EHBP1: variants seen among roughly 807,000 people sequenced by gnomAD.
EHBP1 encodes the protein EH domain binding protein 1.
A neutral mutation model predicts 144.0 loss-of-function variants in EHBP1; 55 were observed. The ratio of observed to expected loss-of-function variants is 0.38; its 90% CI spans 0.31 to 0.48. EHBP1 has a LOEUF of 0.48. Ranked by LOEUF, EHBP1 falls within the 20% of genes least tolerant of loss-of-function variation. EHBP1 has a pLI of 0.98. For missense variants in EHBP1, 1,200 were observed against 1,364.2 expected, an observed-to-expected ratio of 0.88 and a Z score of 1.90; for synonymous variants, 469 against 472.7, an observed-to-expected ratio of 0.99 and a Z score of 0.10.
At chr2:62,978,877 A>C (rs1457197917) in intron 14 of EHBP1, among the ~76,000 whole-genome samples, 4 of 152,144 alleles carry the variant, frequency 2.6e-5, no homozygotes, top group Non-Finnish European at 4.4e-5. Context: ...CAGTATTGTG[A>C]CTTTTTTCTG....
At chr2:62,914,225 A>T (rs1574031996) in intron 10 of EHBP1, among the ~76,000 whole-genome samples, 1 of 152,276 alleles carries the variant, frequency 6.6e-6, no homozygotes, top group Admixed American at 6.5e-5. Flanking sequence ...ATCCAAGGGT[A>T]AAACAGTAAA....
At chr2:63,003,985 C>T (rs1326031933) in intron 19 of EHBP1, among the ~76,000 whole-genome samples, 3 of 151,986 alleles carry the variant, frequency 2.0e-5, no homozygotes, top group African/African-American at 7.2e-5. Flanking sequence ...TATTTAGGGA[C>T]ATGTATCTGT....
rs777811935 is a variant in EHBP1 at position 62,949,028 on chromosome 2, A to G, written c.2182A>G (p.Lys728Glu). 6.2e-6 allele frequency: 10 copies of G among 1,613,772 alleles called. No homozygotes were observed. Among genetic ancestry groups the G allele is most frequent in the Non-Finnish European group, 8.5e-6 (10 of 1,179,956 alleles). ...IKKTSLSPTS[K>E]LGYSYSRDLD... ...AAAAACAAGTTTATCTCCTACTTCT[A>G]AACTTGGATACTCATATAGTAGAGA... Residue 728 changes from lysine (K) to glutamate (E), a missense_variant, in exon 13 of 23, where the codon AAA (lysine) becomes GAA (glutamate). Around this residue, in one of 6 missense-constraint regions of EHBP1, gnomAD observed 543 missense variants for 513.1 expected, o/e 1.06. Transcript: ENST00000431489.
At chr2:62,703,367 G>A (rs1293566963), upstream of EHBP1, among the ~76,000 whole-genome samples, 1 of 151,888 alleles carries the variant, frequency 6.6e-6, no homozygotes, top group Admixed American at 6.6e-5. Context: ...ATTAATACTC[G>A]GTATTCAATA....
At chr2:62,937,253 T>C (rs2056445938) in intron 10 of EHBP1, among the ~76,000 whole-genome samples, 1 of 152,210 alleles carries the variant, frequency 6.6e-6, no homozygotes, top group African/African-American at 2.4e-5. Flanking sequence ...AAATGCATGT[T>C]GTTTAAAAGC....
At chr2:62,933,421 A>G (rs1210151973) in intron 10 of EHBP1, among the ~76,000 whole-genome samples, 1 of 152,188 alleles carries the variant, frequency 6.6e-6, no homozygotes, top group Non-Finnish European at 1.5e-5. Flanking sequence ...TTGATACTAC[A>G]CCAAAACTCA....
chr2:62,763,108 C>T (rs1159245397), intron 3 of EHBP1, among the ~76,000 whole-genome samples: 1 of 152,020 alleles, frequency 6.6e-6, no homozygotes, highest in African/African-American at 2.4e-5. Context: ...TGTGTGATTC[C>T]TTTACCTTGT....
intron 3 of EHBP1, among the ~76,000 whole-genome samples, chr2:62,750,256 C>T (rs1161673635): frequency 6.6e-6 from 1 of 152,136 alleles, no homozygotes; most frequent in African/African-American, 2.4e-5. Context: ...TTCCCCATTT[C>T]TTGTTTTTGT....
At chr2:62,832,145 A>G (rs1026992761) in intron 7 of EHBP1, among the ~76,000 whole-genome samples, 18 of 151,970 alleles carry the variant, frequency 1.2e-4, no homozygotes, top group Admixed American at 3.9e-4. Flanking sequence ...ATTTGGCCCA[A>G]CCATGTTTTG....
At chr2:62,818,342 C>T (rs1443195490) in intron 5 of EHBP1, among the ~76,000 whole-genome samples, 1 of 151,904 alleles carries the variant, frequency 6.6e-6, no homozygotes, top group Non-Finnish European at 1.5e-5. Context: ...ATTTTTACTG[C>T]ACCTTTTCCA....
At chr2:62,776,181 C>T (rs756838201) in intron 5 of EHBP1, among the ~76,000 whole-genome samples, 12 of 152,174 alleles carry the variant, frequency 7.9e-5, no homozygotes, top group Non-Finnish European at 1.6e-4. Context: ...TGCAAATTGA[C>T]ATAATGCTAT....
chr2:62,758,218 C>T (rs1394572245), intron 3 of EHBP1, among the ~76,000 whole-genome samples: 3 of 152,142 alleles, frequency 2.0e-5, no homozygotes, highest in Non-Finnish European at 4.4e-5. Context: ...AAGCAATTCT[C>T]ATGCCTCAGC....
At position 62,864,732 on chromosome 2, in the gene EHBP1, A is replaced by C. The variant is rs753955933; in HGVS notation, c.759A>C (p.Glu253Asp). The C allele has an allele frequency of 1.9e-6, 3 of 1,607,772 alleles. No homozygotes were observed. Among genetic ancestry groups the C allele is most frequent in the Non-Finnish European group, 2.5e-6 (3 of 1,177,392 alleles). Residue 253 changes from glutamate to aspartate, a missense_variant and splice_region_variant, in exon 9 of 23, where the codon GAA (glutamate) becomes GAC (aspartate). Glu to Asp is a conservative substitution (Grantham distance 45). Transcript: ENST00000431489. Reference protein sequence around the residue: ...LNPFGDPDSEEPITETASPRK... With the variant: ...LNPFGDPDSEDPITETASPRK... ...AATTCATCTGCTATTATTTTATAGA[A>C]CCTATCACTGAAACAGCTTCACCTA...
chr2:62,939,884 T>A (rs781106226), intron 10 of EHBP1: 7 of 181,272 alleles, frequency 3.9e-5, no homozygotes, highest in Non-Finnish European at 8.2e-5. Flanking sequence ...CTCCTACTCC[T>A]GACTCATGGC....
intron 10 of EHBP1, among the ~76,000 whole-genome samples, chr2:62,931,741 A>G (rs1315381498): frequency 6.6e-6 from 1 of 152,176 alleles, no homozygotes; most frequent in Admixed American, 6.5e-5. Context: ...CCCTTGTCCA[A>G]TGTATCCATG....
chr2:62,788,117 G>T (rs1033840011), intron 5 of EHBP1, among the ~76,000 whole-genome samples: 3 of 152,098 alleles, frequency 2.0e-5, no homozygotes, highest in African/African-American at 7.2e-5. Flanking sequence ...AAGTGGTTTA[G>T]AATTGTTTTC....
intron 10 of EHBP1, among the ~76,000 whole-genome samples, chr2:62,903,915 T>C (rs1422876278): frequency 1.3e-5 from 2 of 152,242 alleles, no homozygotes; most frequent in Non-Finnish European, 2.9e-5. Context: ...CCTCCTTCTT[T>C]GATTTTGCAG....
At chr2:62,942,522 A>T (rs988115468) in intron 10 of EHBP1, among the ~76,000 whole-genome samples, 196 bp from the exon 11 acceptor site, 1 of 152,256 alleles carries the variant, frequency 6.6e-6, no homozygotes, top group African/African-American at 2.4e-5. Flanking sequence ...CTTGTCAGGC[A>T]AATGCCAAGG....
chr2:62,692,799 T>G (rs1358137809), intron 1 of EHBP1, among the ~76,000 whole-genome samples: 1 of 152,112 alleles, frequency 6.6e-6, no homozygotes, highest in Non-Finnish European at 1.5e-5. Context: ...CCTGAGATAC[T>G]TTGATATAGT....
Sources: gnomAD v4.1 joint callset for allele counts (sites outside exome capture counted in the v4.1 genomes callset) on GRCh38, gnomAD v4.1.1 for gene constraint, gnomAD v4.1.1 regional missense constraint, MANE v1.5 for transcripts, NCBI Gene and HGNC (gene_info 2026-07-23, HGNC 2026-07-21) for gene names.